CSMD1: variants seen among roughly 807,000 people sequenced by gnomAD.
CSMD1 encodes CUB and Sushi multiple domains 1.
A neutral mutation model predicts 417.5 loss-of-function variants in CSMD1; 213 were observed. That is an observed-to-expected ratio of 0.51 (90% CI 0.46 to 0.57). The LOEUF is 0.57. Ranked by LOEUF, CSMD1 falls within the 20% of genes least tolerant of loss-of-function variation. The pLI is 0.00. For synonymous variants in CSMD1, 2,862 were observed against 1,736.8 expected (o/e 1.65, Z -16.11); for missense variants, 6,923 against 4,529.7 (o/e 1.53, Z -15.17).
chr8:3,487,948 G>C (rs1170367177), intron 11 of CSMD1, among the ~76,000 whole-genome samples: 1 of 151,816 alleles, frequency 6.6e-6, no homozygotes, highest in Non-Finnish European at 1.5e-5. Flanking sequence ...TCCCATTAGA[G>C]ATGTGTATTT....
chr8:3,411,492 G>T (rs878895373), intron 12 of CSMD1, among the ~76,000 whole-genome samples: 1 of 151,420 alleles, frequency 6.6e-6, no homozygotes, highest in Admixed American at 6.6e-5. Context: ...TCATTCTTAT[G>T]CCTTTGCATC....
chr8:3,109,402 T>C (rs184777680), intron 43 of CSMD1, among the ~76,000 whole-genome samples: 27 of 152,356 alleles, frequency 1.8e-4, no homozygotes, highest in Admixed American at 3.9e-4. Flanking sequence ...GCAGTTTCAT[T>C]GTGGTCAACC....
intron 5 of CSMD1, among the ~76,000 whole-genome samples, chr8:3,880,549 T>G (rs1009974452): frequency 5.3e-5 from 8 of 152,192 alleles, no homozygotes; most frequent in African/African-American, 1.9e-4. Context: ...TAAGTGCTTC[T>G]CAGTAGCATT....
intron 5 of CSMD1, among the ~76,000 whole-genome samples, chr8:3,985,050 A>C (rs1474190455): frequency 1.3e-5 from 2 of 151,988 alleles, no homozygotes; most frequent in Non-Finnish European, 2.9e-5. Flanking sequence ...TACTGTGCTC[A>C]TGTTCTTAGC....
intron 3 of CSMD1, among the ~76,000 whole-genome samples, chr8:4,316,800 C>T (rs1056523800): frequency 1.3e-5 from 2 of 152,132 alleles, no homozygotes; most frequent in Non-Finnish European, 2.9e-5. Flanking sequence ...CTATATTGTG[C>T]TTCCCTCAAA....
intron 5 of CSMD1, among the ~76,000 whole-genome samples, chr8:3,890,875 G>A (rs915775156): frequency 3.3e-5 from 5 of 152,110 alleles, no homozygotes; most frequent in Non-Finnish European, 7.4e-5. Flanking sequence ...GGATGAAAGA[G>A]CAAGATTTCT....
At chr8:3,027,997 A>T (rs1810068640) in intron 51 of CSMD1, among the ~76,000 whole-genome samples, 1 of 152,204 alleles carries the variant, frequency 6.6e-6, no homozygotes, top group Non-Finnish European at 1.5e-5. Context: ...ATTGTCACGC[A>T]GCAAATACCA....
intron 10 of CSMD1, among the ~76,000 whole-genome samples, chr8:3,546,241 G>A (rs576873609): frequency 1.3e-5 from 2 of 150,984 alleles, no homozygotes; most frequent in Admixed American, 1.3e-4. Flanking sequence ...TGCCCTCAAT[G>A]GCTGGCCACG....
At chr8:4,132,065 A>G (rs1393501442) in intron 3 of CSMD1, among the ~76,000 whole-genome samples, 1 of 152,174 alleles carries the variant, frequency 6.6e-6, no homozygotes, top group African/African-American at 2.4e-5. Context: ...AAAGCAAAGC[A>G]TTATAGATTC....
chr8:3,357,211 A>C (rs57816352), intron 21 of CSMD1, among the ~76,000 whole-genome samples: 5,177 of 152,298 alleles, frequency 0.034, 295 homozygotes, highest in African/African-American at 0.12. Flanking sequence ...GGCAAAATGC[A>C]AAAGGCTAAA....
chr8:4,458,322 G>C (rs1234001506), intron 2 of CSMD1, among the ~76,000 whole-genome samples: 3 of 151,820 alleles, frequency 2.0e-5, no homozygotes, highest in African/African-American at 7.3e-5. Flanking sequence ...TGCGCACAAG[G>C]GATCGATTAG....
chr8:4,337,367 T>G (rs970013575), intron 3 of CSMD1, among the ~76,000 whole-genome samples: 9 of 152,110 alleles, frequency 5.9e-5, no homozygotes, highest in Admixed American at 5.2e-4. Context: ...TCCACCTAAG[T>G]CATTTCTGCC....
intron 3 of CSMD1, among the ~76,000 whole-genome samples, chr8:4,204,273 A>C (rs913787602): frequency 1.3e-5 from 2 of 152,042 alleles, no homozygotes; most frequent in African/African-American, 4.8e-5. Context: ...GGAAAAAAAA[A>C]AAACCTCAAT....
chr8:3,253,722 G>C (rs1470691665), intron 26 of CSMD1, among the ~76,000 whole-genome samples: 1 of 152,040 alleles, frequency 6.6e-6, no homozygotes, highest in Admixed American at 6.6e-5. Flanking sequence ...TTTTCTGTTT[G>C]CTTGGTAGAT....
chr8:3,117,998 A>C (rs781678023), intron 42 of CSMD1, among the ~76,000 whole-genome samples: 3 of 152,222 alleles, frequency 2.0e-5, no homozygotes, highest in Non-Finnish European at 4.4e-5. Flanking sequence ...AAACAAAAAG[A>C]AACACCAAGG....
intron 2 of CSMD1, among the ~76,000 whole-genome samples, chr8:4,573,622 G>A (rs1396409729): frequency 6.6e-6 from 1 of 152,106 alleles, no homozygotes; most frequent in East Asian, 1.9e-4. Context: ...TGAGGGGGCG[G>A]TCTTTCCCTT....
intron 33 of CSMD1, among the ~76,000 whole-genome samples, chr8:3,195,988 G>C (rs1796682125): frequency 6.6e-6 from 1 of 152,116 alleles, no homozygotes; most frequent in Non-Finnish European, 1.5e-5. Context: ...TTCATAGGAG[G>C]TCAGGTGTTC....
intron 3 of CSMD1, among the ~76,000 whole-genome samples, chr8:4,064,815 T>C (rs1585236465): frequency 6.6e-6 from 1 of 152,282 alleles, no homozygotes; most frequent in Non-Finnish European, 1.5e-5. Context: ...GATCTTGTTA[T>C]TTATATCTAT....
intron 49 of CSMD1, among the ~76,000 whole-genome samples, chr8:3,072,744 A>T (rs1464058987): frequency 6.6e-6 from 1 of 152,142 alleles, no homozygotes; most frequent in Admixed American, 6.5e-5. Flanking sequence ...TGAAGGCATG[A>T]GGTTCTTCCA....
Sources: allele counts gnomAD v4.1 joint callset (sites outside exome capture counted in the v4.1 genomes callset), GRCh38; gene constraint gnomAD v4.1.1; transcripts MANE v1.5; gene names NCBI Gene and HGNC (gene_info 2026-07-23, HGNC 2026-07-21).